RXFP1: variants seen among roughly 807,000 people sequenced by gnomAD.
RXFP1 encodes relaxin receptor 1.
Under a neutral mutation model 89.8 loss-of-function variants are expected in RXFP1, and 73 were observed. The observed-to-expected ratio is 0.81, with a 90% confidence interval of 0.67 to 0.99. RXFP1 has a LOEUF of 0.99. Ranked by LOEUF, RXFP1 falls within the 50% of genes least tolerant of loss-of-function variation. RXFP1 has a pLI of 0.00. For synonymous variants in RXFP1, 277 were observed against 305.5 expected (o/e 0.91, Z 0.97); for missense variants, 793 against 895.5 (o/e 0.89, Z 1.46).
At position 158,589,176 on chromosome 4, in the gene RXFP1, A is replaced by G. The variant is rs537475521; in HGVS notation, c.188-4225A>G. 9.2e-5 allele frequency among the ~76,000 whole-genome samples: 14 copies of G among 152,260 alleles called. No homozygotes were observed. In the East Asian group the frequency reaches 2.5e-3, roughly 27 times the overall value. On this transcript the variant is annotated intron_variant, in intron 2 of 17. Transcript: ENST00000307765. ...CAGATCTCATGAAAACTCACTCACT[A>G]GCAGGAGAACAGCATGGGGGAACAC...
intron 3 of RXFP1, among the ~76,000 whole-genome samples, chr4:158,595,951 C>A (rs955740932): frequency 3.8e-4 from 57 of 150,684 alleles, no homozygotes; most frequent in Non-Finnish European, 7.5e-4. Flanking sequence ...GAGTTCAAGA[C>A]CAGCCTGGGC....
intron 16 of RXFP1, 130 bp downstream of exon 16, chr4:158,647,331 A>T: frequency 1.4e-6 from 1 of 705,890 alleles, no homozygotes; most frequent in Non-Finnish European, 2.3e-6. Context: ...TTATACTCTG[A>T]TATAAATTCC....
intron 1 of RXFP1, 74 bp downstream of exon 1, chr4:158,522,099 C>A: frequency 1.2e-6 from 1 of 826,238 alleles, no homozygotes; most frequent in Non-Finnish European, 1.9e-6. Context: ...ATGTTTACTC[C>A]TTATATTTAT....
intron 9 of RXFP1, among the ~76,000 whole-genome samples, chr4:158,625,600 A>T (rs770192098): frequency 6.6e-6 from 1 of 152,148 alleles, no homozygotes; most frequent in Non-Finnish European, 1.5e-5. Flanking sequence ...TGATTTCTAG[A>T]TACCGTACAT....
chr4:158,574,333 G>A (rs1247836664), intron 2 of RXFP1, among the ~76,000 whole-genome samples: 1 of 152,078 alleles, frequency 6.6e-6, no homozygotes. Context: ...CACCTTGAAG[G>A]AATTAAGTTT....
intron 4 of RXFP1, among the ~76,000 whole-genome samples, chr4:158,604,866 T>TA (rs1166939722): frequency 2.6e-5 from 4 of 152,224 alleles, no homozygotes; most frequent in South Asian, 2.1e-4. Context: ...ACCAAAATTT[T>TA]AAAAAAATGA....
intron 4 of RXFP1, among the ~76,000 whole-genome samples, chr4:158,603,379 A>G (rs965034645): frequency 1.3e-5 from 2 of 152,236 alleles, no homozygotes; most frequent in African/African-American, 4.8e-5. Context: ...ACAAGGAAAT[A>G]ATATTTGGTG....
chr4:158,555,645 G>A (rs1751110219), intron 1 of RXFP1, among the ~76,000 whole-genome samples: 1 of 152,120 alleles, frequency 6.6e-6, no homozygotes, highest in South Asian at 2.1e-4. Context: ...TTCATTCTTA[G>A]AAAAAAGATT....
chr4:158,585,120 G>C (rs553453871), intron 2 of RXFP1, among the ~76,000 whole-genome samples: 3 of 152,302 alleles, frequency 2.0e-5, no homozygotes, highest in African/African-American at 7.2e-5. Context: ...AGACGATCTA[G>C]ACAGTCTTCT....
At chr4:158,625,907 C>A (rs1561156488) in intron 9 of RXFP1, among the ~76,000 whole-genome samples, 1 of 152,034 alleles carries the variant, frequency 6.6e-6, no homozygotes. Context: ...AACCTCAGCT[C>A]TCTTCCTCTG....
At chr4:158,641,138 G>A (rs1369021048) in intron 14 of RXFP1, among the ~76,000 whole-genome samples, 1 of 152,172 alleles carries the variant, frequency 6.6e-6, no homozygotes, top group Non-Finnish European at 1.5e-5. Flanking sequence ...CAGAAAGATG[G>A]CTTATAAAAG....
chr4:158,640,054 C>G (rs959349186), intron 14 of RXFP1, among the ~76,000 whole-genome samples: 13 of 152,158 alleles, frequency 8.5e-5, no homozygotes, highest in Admixed American at 1.3e-4. Flanking sequence ...CTAAGTCACT[C>G]AGTCTATGGT....
chr4:158,604,970 G>T, intron 4 of RXFP1, 98 bp from the exon 5 acceptor site: 2 of 591,730 alleles, frequency 3.4e-6, no homozygotes, highest in Admixed American at 3.1e-5. Flanking sequence ...TTTCCTGAAA[G>T]CTAGTACTAA....
intron 1 of RXFP1, among the ~76,000 whole-genome samples, chr4:158,530,709 A>AT (rs1743817032): frequency 6.6e-6 from 1 of 152,096 alleles, no homozygotes; most frequent in Admixed American, 6.5e-5. Context: ...TCAAATTTAG[A>AT]TTTTTATTTC....
chr4:158,614,398 T>C (rs1184437483), intron 8 of RXFP1, among the ~76,000 whole-genome samples: 2 of 152,232 alleles, frequency 1.3e-5, no homozygotes, highest in Non-Finnish European at 2.9e-5. Context: ...TGAAAATCTG[T>C]TGTTTAGTGG....
At chr4:158,585,903 G>A (rs1294113873) in intron 2 of RXFP1, among the ~76,000 whole-genome samples, 3 of 152,148 alleles carry the variant, frequency 2.0e-5, no homozygotes, top group South Asian at 2.1e-4. Flanking sequence ...CTTGATGGTC[G>A]ACATCTAGCA....
At chr4:158,564,923 C>A (rs140401032) in intron 1 of RXFP1, among the ~76,000 whole-genome samples, 124 of 152,298 alleles carry the variant, frequency 8.1e-4, no homozygotes, top group African/African-American at 2.8e-3. Context: ...TGGCCCCTTG[C>A]CTTTCTACTT....
intron 13 of RXFP1, among the ~76,000 whole-genome samples, chr4:158,638,678 G>A (rs551429076): frequency 7.2e-4 from 109 of 152,106 alleles, no homozygotes; most frequent in African/African-American, 2.4e-3. Flanking sequence ...AGTTGAGTGT[G>A]GTGGCATGCA....
rs1755357497 is a variant in RXFP1 at position 158,572,781 on chromosome 4, C to G, written c.133C>G (p.Leu45Val). The G allele has an allele frequency of 1.2e-5, 19 of 1,614,220 alleles. No homozygotes were observed. The highest frequency in any genetic ancestry group is 1.5e-5 in the Non-Finnish European group (18 of 1,180,044). ...CATCACAAAGTGCTTGCCTCAGCTC[C>G]TGCACTGTAACGGTGTGGACGACTG... ...GNITKCLPQL[L>V]HCNGVDDCGN... Residue 45 changes from leucine (L) to valine (V), a missense_variant, in exon 2 of 18, where the codon CTG becomes GTG. Leu to Val is a conservative substitution (Grantham distance 32). Coordinates refer to ENST00000307765, the MANE Select transcript of RXFP1 (RefSeq NM_021634.4).
Sources: gnomAD v4.1 joint callset for allele counts (sites outside exome capture counted in the v4.1 genomes callset) on GRCh38, gnomAD v4.1.1 for gene constraint, MANE v1.5 for transcripts, NCBI Gene and HGNC (gene_info 2026-07-23, HGNC 2026-07-21) for gene names.